PPP1R36: variants seen among roughly 807,000 people sequenced by gnomAD.
PPP1R36 encodes the protein protein phosphatase 1 regulatory subunit 36, also known as chromosome 14 open reading frame 50.
A neutral mutation model predicts 53.4 loss-of-function variants in PPP1R36; 47 were observed. That is an observed-to-expected ratio of 0.88 (90% CI 0.70 to 1.12). The LOEUF is 1.12. Among genes scored for constraint, PPP1R36 ranks in the 50% most tolerant of loss-of-function variants. The pLI is 0.00. For synonymous variants in PPP1R36, 153 were observed against 170.5 expected (o/e 0.90, Z 0.80); for missense variants, 456 against 513.9 (o/e 0.89, Z 1.09).
At chr14:64,563,915 A>G (rs1235336942) in intron 3 of PPP1R36, among the ~76,000 whole-genome samples, 1 of 152,202 alleles carries the variant, frequency 6.6e-6, no homozygotes, top group African/African-American at 2.4e-5. Context: ...TAGTCTTCAA[A>G]ACACTTTTCT....
At position 64,587,293 on chromosome 14, in the gene PPP1R36, A is replaced by T. The variant is rs2080441530; in HGVS notation, c.811A>T (p.Met271Leu). 1 of 1,613,696 alleles carries T rather than the reference A, an allele frequency of 6.2e-7. No individual in the cohort carries two copies. Among genetic ancestry groups the T allele is most frequent in the Non-Finnish European group, 8.5e-7 (1 of 1,179,750 alleles). The change falls in exon 10 of 12, where the codon ATG becomes TTG. Residue 271 changes from methionine (M) to leucine (L), a missense_variant. Physicochemically the swap from Met to Leu is conservative, Grantham distance 15. Coordinates refer to ENST00000298705, the MANE Select transcript of PPP1R36 (RefSeq NM_172365.3). Reference protein sequence around the residue: ...EEVGRLFRTNMFNIPRRRRED... With the variant: ...EEVGRLFRTNLFNIPRRRRED... Reference sequence around the variant, plus strand: ...AGTAGGGAGACTCTTTCGTACCAATATGTTCAACATTCCTCGCAGGAGGCG... The same window carrying T: ...AGTAGGGAGACTCTTTCGTACCAATTTGTTCAACATTCCTCGCAGGAGGCG...
At chr14:64,580,453 C>T (rs1233022765) in intron 8 of PPP1R36, among the ~76,000 whole-genome samples, 2 of 152,128 alleles carry the variant, frequency 1.3e-5, no homozygotes, top group Non-Finnish European at 2.9e-5. Context: ...CGGCATAGAG[C>T]CTCCACTGAA....
intron 3 of PPP1R36, among the ~76,000 whole-genome samples, chr14:64,561,451 G>A (rs182201141): frequency 6.6e-5 from 10 of 152,288 alleles, no homozygotes; most frequent in African/African-American, 2.4e-4. Flanking sequence ...CAGGGAAAGG[G>A]TGGCCATTAT....
At chr14:64,556,155 C>T (rs1335157389) in intron 3 of PPP1R36, among the ~76,000 whole-genome samples, 2 of 123,798 alleles carry the variant, frequency 1.6e-5, no homozygotes, top group African/African-American at 3.1e-5. Flanking sequence ...TTTGAGACAG[C>T]GTTTCACTCC....
chr14:64,554,526 A>G (rs1158963474), intron 3 of PPP1R36, among the ~76,000 whole-genome samples: 1 of 149,718 alleles, frequency 6.7e-6, no homozygotes, highest in Non-Finnish European at 1.5e-5. Flanking sequence ...TTCAAACCTA[A>G]GTCAGAGAGG....
At chr14:64,577,277 A>C (rs1177831968) in intron 8 of PPP1R36, among the ~76,000 whole-genome samples, 1 of 152,148 alleles carries the variant, frequency 6.6e-6, no homozygotes. Context: ...AGACCATCAC[A>C]CTGGGAGTTA....
At chr14:64,567,041 T>G (rs1015497433) in intron 6 of PPP1R36, among the ~76,000 whole-genome samples, 1 of 152,250 alleles carries the variant, frequency 6.6e-6, no homozygotes, top group Non-Finnish European at 1.5e-5. Context: ...CCAACTAAAC[T>G]GTTCACTTTC....
chr14:64,561,924 T>C (rs377364591), intron 3 of PPP1R36: 4 of 439,244 alleles, frequency 9.1e-6, no homozygotes, highest in East Asian at 7.0e-5. Flanking sequence ...CTGAGAACCA[T>C]CAAAGAGGTC....
intron 7 of PPP1R36, among the ~76,000 whole-genome samples, chr14:64,573,266 C>G (rs1314085645): frequency 6.6e-6 from 1 of 152,168 alleles, no homozygotes; most frequent in Non-Finnish European, 1.5e-5. Context: ...TGTGAAAGTT[C>G]ATTTGCAATT....
intron 3 of PPP1R36, among the ~76,000 whole-genome samples, chr14:64,564,397 G>T (rs1372598995): frequency 1.3e-5 from 2 of 152,146 alleles, no homozygotes; most frequent in African/African-American, 2.4e-5. Flanking sequence ...TTCCATGAGG[G>T]TTAAATGAGA....
chr14:64,588,042 C>A, intron 10 of PPP1R36, 62 bp from the exon 11 acceptor site: 1 of 1,463,614 alleles, frequency 6.8e-7, no homozygotes, highest in Admixed American at 2.0e-5. Flanking sequence ...CTGCACCTGG[C>A]CTCAAGAACA....
chr14:64,562,634 GAGA>G (rs2080214027), intron 3 of PPP1R36, among the ~76,000 whole-genome samples: 1 of 152,066 alleles, frequency 6.6e-6, no homozygotes, highest in Non-Finnish European at 1.5e-5. Context: ...GTGTGAAGTA[GAGA>G]AGGTGTGTCC....
intron 3 of PPP1R36, among the ~76,000 whole-genome samples, chr14:64,554,163 T>G (rs2080124830): frequency 6.8e-6 from 1 of 146,604 alleles, no homozygotes; most frequent in Non-Finnish European, 1.5e-5. Context: ...TTTTTTTTTT[T>G]TTTTTGAGAC....
chr14:64,583,749 G>T (rs1826199874), intron 8 of PPP1R36, among the ~76,000 whole-genome samples: 1 of 139,436 alleles, frequency 7.2e-6, no homozygotes, highest in African/African-American at 2.5e-5. Context: ...GGGAGGCAGA[G>T]GTTGCGGTGA....
intron 3 of PPP1R36, among the ~76,000 whole-genome samples, chr14:64,557,939 G>A (rs1299831108): frequency 1.3e-5 from 2 of 152,148 alleles, no homozygotes; most frequent in Non-Finnish European, 2.9e-5. Flanking sequence ...AACCCAGGCG[G>A]CAGAGGTTGC....
In PPP1R36 at chr14:64,587,284, C is replaced by G; in HGVS notation, c.802C>G (p.Arg268Gly). The change falls in exon 10 of 12, where the codon CGT (arginine) becomes GGT (glycine). Residue 268 changes from arginine to glycine, a missense_variant. Transcript: ENST00000298705. ...EIEEEVGRLF[R>G]TNMFNIPRRR... is the part of the protein sequence containing the mutation. ...TGAAGAAGAAGTAGGGAGACTCTTT[C>G]GTACCAATATGTTCAACATTCCTCG... The G allele has an allele frequency of 6.2e-7, 1 of 1,613,228 alleles. No individual in the cohort carries two copies. Among genetic ancestry groups the G allele is most frequent in the Non-Finnish European group, 8.5e-7 (1 of 1,179,238 alleles).
chr14:64,555,492 AAG>A (rs2080141736), intron 3 of PPP1R36, among the ~76,000 whole-genome samples: 1 of 152,246 alleles, frequency 6.6e-6, no homozygotes, highest in Non-Finnish European at 1.5e-5. Context: ...TTCAGCCTCA[AAG>A]AGGGTGTTTA....
chr14:64,563,815 T>A (rs577985134), intron 3 of PPP1R36, among the ~76,000 whole-genome samples: 2 of 152,216 alleles, frequency 1.3e-5, no homozygotes, highest in Non-Finnish European at 2.9e-5. Context: ...GTGTTATCAA[T>A]GTGGCATTGT....
chr14:64,568,319 C>T (rs746819038), intron 6 of PPP1R36, 30 bp from the exon 7 acceptor site: 4 of 1,024,850 alleles, frequency 3.9e-6, no homozygotes, highest in East Asian at 2.5e-5. Context: ...AGCATTGACT[C>T]TTTTTTTGTT....
Sources: gnomAD v4.1 joint callset for allele counts (sites outside exome capture counted in the v4.1 genomes callset) on GRCh38, gnomAD v4.1.1 for gene constraint, MANE v1.5 for transcripts, NCBI Gene and HGNC (gene_info 2026-07-23, HGNC 2026-07-21) for gene names.